Variants in TENM1 observed in about 807,000 individuals in gnomAD.
The protein encoded by TENM1 is teneurin-1.
A neutral mutation model predicts 174.8 loss-of-function variants in TENM1; 35 were observed. The ratio of observed to expected loss-of-function variants is 0.20; its 90% CI spans 0.15 to 0.27. The LOEUF (loss-of-function observed/expected upper bound fraction) is 0.27. TENM1 is among the 10% of genes least tolerant of loss of function. The pLI is 1.00. For synonymous variants in TENM1, 781 were observed against 798.7 expected (o/e 0.98, Z 0.37); for missense variants, 1,633 against 2,130.1 (o/e 0.77, Z 4.59).
intron 3 of TENM1, among the ~76,000 whole-genome samples, chrX:124,785,537 C>A (rs1195436373): frequency 2.7e-5 from 3 of 111,934 alleles, no homozygotes; most frequent in African/African-American, 9.7e-5. Context: ...CAACAGGAAA[C>A]AATACTTTGA....
At chrX:125,088,631 A>G in the TENM1 span, among the ~76,000 whole-genome samples, 1 of 110,743 alleles carries the variant, frequency 9.0e-6, no homozygotes, top group Non-Finnish European at 1.9e-5. Context: ...TTAAGGAGTT[A>G]TAGTGAAGAA....
At position 124,567,979 on chromosome X, in the gene TENM1, G is replaced by A. The variant is rs565569695; in HGVS notation, c.2078-2419C>T. Among the ~76,000 whole-genome samples, 52 of 112,090 alleles carry A rather than the reference G, an allele frequency of 4.6e-4. No homozygotes were observed. The South Asian group carries it at 0.019, about 42-fold the overall frequency. ...AACTATAAATCTTAGGCATAGAGGA[G>A]TATAACATTCTGATTTCTGTTTGAA... On this transcript the variant is annotated intron_variant, in intron 11 of 31. Transcript: ENST00000422452.
intron 10 of TENM1, among the ~76,000 whole-genome samples, 200 bp downstream of exon 13, chrX:124,644,943 T>C (rs1380417906): frequency 9.0e-6 from 1 of 111,324 alleles, no homozygotes; most frequent in Non-Finnish European, 1.9e-5. Context: ...GTGTCACAGA[T>C]ACAGCCTCAT....
intron 25 of TENM1, among the ~76,000 whole-genome samples, chrX:124,414,041 G>A (rs1318165218): frequency 8.9e-6 from 1 of 112,142 alleles, no homozygotes; most frequent in African/African-American, 3.2e-5. Flanking sequence ...AAACAGTCTA[G>A]AAGATACCCA....
the TENM1 span, among the ~76,000 whole-genome samples, chrX:125,146,765 T>A: frequency 3.6e-5 from 4 of 111,191 alleles, no homozygotes; most frequent in East Asian, 1.1e-3. Flanking sequence ...TGTTTTTGCC[T>A]CCCCAATGCC....
intron 23 of TENM1, among the ~76,000 whole-genome samples, chrX:124,424,781 G>A (rs1014311572): frequency 1.0e-4 from 11 of 110,437 alleles, no homozygotes; most frequent in African/African-American, 3.0e-4. Flanking sequence ...CTCATGAGAC[G>A]GGGTTGTTTA....
At chrX:124,483,851 G>C (rs1603285180) in intron 21 of TENM1, among the ~76,000 whole-genome samples, 1 of 111,858 alleles carries the variant, frequency 8.9e-6, no homozygotes, top group Admixed American at 9.5e-5. Flanking sequence ...CAGAAGGAGA[G>C]AAATTAGTAA....
At chrX:124,688,878 T>C (rs1180069009) in intron 5 of TENM1, 1 of 111,386 alleles carries the variant, frequency 9.0e-6, no homozygotes, top group Non-Finnish European at 1.9e-5. Flanking sequence ...TCTAAGAGAG[T>C]GGATCTTAAA....
chrX:124,438,025 T>C (rs1479760401), intron 23 of TENM1, among the ~76,000 whole-genome samples: 1 of 111,276 alleles, frequency 9.0e-6, no homozygotes, highest in Non-Finnish European at 1.9e-5. Flanking sequence ...TAATAGAGAG[T>C]GGGAGTAGGT....
chrX:124,991,405 A>T, the TENM1 span, among the ~76,000 whole-genome samples: 26,939 of 109,589 alleles, frequency 0.25, 3,563 homozygotes, highest in African/African-American at 0.51. Flanking sequence ...CATGTACACT[A>T]AAGGCTAGCT....
chrX:124,509,762 C>T (rs1333003741), intron 18 of TENM1, among the ~76,000 whole-genome samples: 2 of 102,805 alleles, frequency 1.9e-5, no homozygotes, highest in African/African-American at 7.3e-5. Flanking sequence ...CTCTTGTTGC[C>T]CAGGCTGGAG....
chrX:124,857,036 G>A (rs765848943), intron 3 of TENM1, among the ~76,000 whole-genome samples: 1 of 111,124 alleles, frequency 9.0e-6, no homozygotes, highest in South Asian at 3.8e-4. Context: ...GTACTGGGTT[G>A]TGATGAAAAA....
At chrX:125,189,495 T>C in the TENM1 span, among the ~76,000 whole-genome samples, 3 of 112,315 alleles carry the variant, frequency 2.7e-5, no homozygotes, top group South Asian at 3.7e-4. Flanking sequence ...GGACTGACTA[T>C]TGGTTTTGGA....
intron 11 of TENM1, among the ~76,000 whole-genome samples, chrX:124,638,542 A>G (rs1485047338): frequency 9.0e-6 from 1 of 110,742 alleles, no homozygotes; most frequent in East Asian, 2.8e-4. Flanking sequence ...ACTGTAAAGC[A>G]CCCTACCATA....
chrX:124,794,994 A>G (rs2055272010), intron 3 of TENM1, among the ~76,000 whole-genome samples: 1 of 111,393 alleles, frequency 9.0e-6, no homozygotes, highest in African/African-American at 3.3e-5. Flanking sequence ...CCTCCTAAGG[A>G]AGGATTTTTT....
At chrX:124,745,723 G>A (rs1168276712) in intron 3 of TENM1, among the ~76,000 whole-genome samples, 2 of 111,137 alleles carry the variant, frequency 1.8e-5, no homozygotes, top group Admixed American at 9.6e-5. Flanking sequence ...TGGGAGGGAC[G>A]AAGACTTGCT....
chrX:125,149,620 TATTAA>T, the TENM1 span, among the ~76,000 whole-genome samples: 1 of 112,001 alleles, frequency 8.9e-6, no homozygotes, highest in Non-Finnish European at 1.9e-5. Flanking sequence ...TTTTAAGTTT[TATTAA>T]ATTAAGTATA....
At chrX:124,395,100 C>T (rs1476183320) in intron 27 of TENM1, among the ~76,000 whole-genome samples, 1 of 111,448 alleles carries the variant, frequency 9.0e-6, no homozygotes, top group Non-Finnish European at 1.9e-5. Context: ...ATTCATACTC[C>T]CATTAGCTAG....
At chrX:124,501,865 C>T (rs1403082407) in intron 19 of TENM1, among the ~76,000 whole-genome samples, 1 of 111,836 alleles carries the variant, frequency 8.9e-6, no homozygotes, top group Non-Finnish European at 1.9e-5. Context: ...AAGGCAGCAG[C>T]AGAGCTGGCT....
Sources: gnomAD v4.1 joint callset for allele counts (sites outside exome capture counted in the v4.1 genomes callset) on GRCh38, gnomAD v4.1.1 for gene constraint, MANE v1.5 for transcripts, NCBI Gene and HGNC (gene_info 2026-07-23, HGNC 2026-07-21) for gene names.